The following KIAA1549 variants were observed in gnomAD, a reference collection of about 807,000 sequenced individuals.
KIAA1549 encodes UPF0606 protein KIAA1549.
KIAA1549 carries 70 observed loss-of-function variants against 156.4 expected under a neutral mutation model. That is an observed-to-expected ratio of 0.45 (90% CI 0.37 to 0.55). The LOEUF (loss-of-function observed/expected upper bound fraction) is 0.55. KIAA1549 is among the 20% of genes least tolerant of loss of function. The pLI, the probability that KIAA1549 is intolerant of heterozygous loss-of-function variation, is 0.00. For synonymous variants in KIAA1549, 1,103 were observed against 1,066.4 expected (o/e 1.03, Z -0.67); for missense variants, 2,428 against 2,540.9 (o/e 0.96, Z 0.96).
intron 1 of KIAA1549, among the ~76,000 whole-genome samples, chr7:138,939,707 A>T (rs903210273): frequency 6.6e-6 from 1 of 152,202 alleles, no homozygotes; most frequent in Admixed American, 6.5e-5. Flanking sequence ...ACTAAAATTT[A>T]TCAAGGGCTT....
chr7:138,907,053 G>C lies in KIAA1549; in HGVS notation c.3326C>G (p.Pro1109Arg), dbSNP rs532793851. Residue 1109 changes from proline (P) to arginine (R), a missense_variant, in exon 6 of 20, where the codon CCG becomes CGG. Pro to Arg is a moderately radical substitution (Grantham distance 103). This residue lies in a region of KIAA1549 where 762 missense variants were observed against 901.6 expected (regional missense o/e 0.85). Transcript: ENST00000422774. ...SSSRVTPRRG[P>R]VNIIFAVKST... ...TTTAACCGCAAAGATGATATTCACC[G>C]GGCCCCGCCGAGGAGTCACCCTTGA... 28 of 1,612,474 alleles carry C rather than the reference G, an allele frequency of 1.7e-5. No homozygotes were observed. Among genetic ancestry groups the C allele is most frequent in the South Asian group, 1.1e-5 (1 of 90,812 alleles).
intron 2 of KIAA1549, among the ~76,000 whole-genome samples, chr7:138,915,276 GTCACTGCTATTAC>G (rs1183748617): frequency 3.3e-5 from 5 of 152,056 alleles, no homozygotes; most frequent in African/African-American, 9.7e-5. Context: ...GAATTCCACA[GTCACTGCTATTAC>G]TCTGTGGTTC....
chr7:138,870,064 TG>T (rs565106902), intron 13 of KIAA1549, among the ~76,000 whole-genome samples: 100 of 152,214 alleles, frequency 6.6e-4, no homozygotes, highest in Non-Finnish European at 1.1e-3. Context: ...TTGGCCAGGC[TG>T]GTCTCGAACT....
chr7:138,970,029 G>A (rs1044413920), intron 1 of KIAA1549, among the ~76,000 whole-genome samples: 2 of 152,112 alleles, frequency 1.3e-5, no homozygotes, highest in Admixed American at 1.3e-4. Context: ...TTTGACTATA[G>A]TCACCCTGTT....
chr7:138,884,518 C>T (rs1256459489), intron 10 of KIAA1549, among the ~76,000 whole-genome samples: 1 of 152,134 alleles, frequency 6.6e-6, no homozygotes, highest in Admixed American at 6.5e-5. Flanking sequence ...AGAACAGATT[C>T]TTTGTGGTAA....
chr7:138,944,786 C>T (rs1813292642), intron 1 of KIAA1549, among the ~76,000 whole-genome samples: 1 of 152,156 alleles, frequency 6.6e-6, no homozygotes, highest in African/African-American at 2.4e-5. Context: ...TGAAAGCAGC[C>T]AGACACACAA....
rs1448829911 is a variant in KIAA1549, at chr7:138,917,049, C to T, written c.2577G>A (p.Leu859=). The T allele has an allele frequency of 1.2e-6, 2 of 1,607,512 alleles. No individual in the cohort carries two copies. The highest frequency in any genetic ancestry group is 1.7e-6 in the Non-Finnish European group (2 of 1,177,162). The change falls in exon 2 of 20, where the codon CTG becomes CTA. Residue 859 remains leucine (L), a synonymous_variant. Transcript: ENST00000422774. ...SFVSEATPFP[L]PTELTVVGPS... ...GGCCCACGACGGTCAGCTCTGTGGG[C>T]AGAGGGAAGGGGGTTGCTTCAGAAA...
chr7:138,888,769 G>A (rs919346168), intron 10 of KIAA1549, among the ~76,000 whole-genome samples: 4 of 152,016 alleles, frequency 2.6e-5, no homozygotes, highest in Admixed American at 6.5e-5. Context: ...TTTGACATGC[G>A]GTCCTAATTT....
In KIAA1549 at chr7:138,871,273, T is replaced by A. The variant is rs757790084; in HGVS notation, c.4435A>T (p.Ser1479Cys). The change falls in exon 13 of 20, where the codon AGC becomes TGC. Residue 1479 changes from serine (S) to cysteine (C), a missense_variant. Transcript: ENST00000422774. ...VDRISRPPEA[S>C]RRVPSKIQLI... is the part of the protein sequence containing the mutation. ...TGGATCTTACTGGGGACCCGCCGGC[T>A]AGCCTCCGGGGGGCGGGAGATCCTG... The A allele has an allele frequency of 1.2e-6, 2 of 1,611,804 alleles. No homozygotes were observed. Among genetic ancestry groups the A allele is most frequent in the Non-Finnish European group, 8.5e-7 (1 of 1,178,938 alleles).
intron 1 of KIAA1549, among the ~76,000 whole-genome samples, chr7:138,939,080 T>C (rs1813100352): frequency 6.6e-6 from 1 of 152,214 alleles, no homozygotes; most frequent in African/African-American, 2.4e-5. Context: ...GTTGAAAGAC[T>C]GGAACCCATT....
intron 1 of KIAA1549, among the ~76,000 whole-genome samples, chr7:138,970,378 G>A (rs2130571149): frequency 6.6e-6 from 1 of 152,220 alleles, no homozygotes; most frequent in East Asian, 1.9e-4. Context: ...GCAGTTCTCT[G>A]AGCAGCGCAG....
Position 138,832,258 on chromosome 7 carries a change from G to A in KIAA1549, c.*5648C>T, listed in dbSNP as rs1021075403. ...GCAGCCCAGGCTGGAGTGCAGTGGC[G>A]TGATTATAGCTCACTGCAGCCTCCA... On this transcript the variant is annotated 3_prime_UTR_variant, in exon 20 of 20. Coordinates refer to ENST00000422774, the MANE Select transcript of KIAA1549 (RefSeq NM_001164665.2). The A allele has an allele frequency of 2.5e-5, 5 of 203,004 alleles. No individual in the cohort carries two copies. Among genetic ancestry groups the A allele is most frequent in the East Asian group, 2.2e-4 (3 of 13,622 alleles). The allele number at this position is 203,004 out of a possible 1,614,324, so 12.6% of individuals were successfully genotyped here.
rs546197175 is a variant in KIAA1549 at position 138,908,469 on chromosome 7, GAATA to G, written c.3276+518_3276+521del. On this transcript the variant is annotated intron_variant, in intron 5 of 19. Coordinates refer to ENST00000422774, the MANE Select transcript of KIAA1549 (RefSeq NM_001164665.2). The stretch of plus-strand genomic sequence containing the variant: ...CATTTAGTAAATCTGTAAAAACAGA[GAATA>G]AAGAGATGGAAAATATGAGGAAAAA... Among the ~76,000 whole-genome samples the G allele has an allele frequency of 3.2e-3, 493 of 152,142 alleles. 6 individuals are homozygous for G. The highest frequency in any genetic ancestry group is 0.011 in the African/African-American group (468 of 41,510).
chr7:138,883,088 C>T (rs1401644777), intron 10 of KIAA1549, among the ~76,000 whole-genome samples: 2 of 49,752 alleles, frequency 4.0e-5, no homozygotes, highest in Admixed American at 3.7e-4. Context: ...CCCATCTCCC[C>T]TAAAAAAAAA....
At chr7:138,934,583 G>C (rs1158631043) in intron 1 of KIAA1549, among the ~76,000 whole-genome samples, 1 of 152,118 alleles carries the variant, frequency 6.6e-6, no homozygotes, top group Non-Finnish European at 1.5e-5. Context: ...GAGTGCCGGA[G>C]ATGAGAGCTT....
intron 17 of KIAA1549, among the ~76,000 whole-genome samples, chr7:138,848,910 A>T (rs1408480235): frequency 2.6e-5 from 4 of 152,082 alleles, no homozygotes; most frequent in Admixed American, 6.5e-5. Context: ...CAGAAAAAAA[A>T]TTTTTTGAGA....
intron 15 of KIAA1549, among the ~76,000 whole-genome samples, chr7:138,864,607 T>C (rs901026983): frequency 2.0e-5 from 3 of 152,234 alleles, no homozygotes; most frequent in Non-Finnish European, 4.4e-5. Flanking sequence ...GAAATAAATG[T>C]ACATCTTTTC....
intron 2 of KIAA1549, among the ~76,000 whole-genome samples, chr7:138,914,142 A>G (rs139969277): frequency 1.2e-3 from 183 of 152,204 alleles, no homozygotes; most frequent in African/African-American, 4.1e-3. Context: ...GGAAGAACAC[A>G]TTGTAAGCAG....
At chr7:138,838,598 G>A (rs200263891) in intron 19 of KIAA1549, among the ~76,000 whole-genome samples, 1 of 152,128 alleles carries the variant, frequency 6.6e-6, no homozygotes, top group African/African-American at 2.4e-5. Context: ...AAATAGTTTT[G>A]CTGATATTTG....
Sources: allele counts gnomAD v4.1 joint callset (sites outside exome capture counted in the v4.1 genomes callset), GRCh38; gene constraint gnomAD v4.1.1; regional missense constraint gnomAD v4.1.1; transcripts MANE v1.5; gene names NCBI Gene and HGNC (gene_info 2026-07-23, HGNC 2026-07-21).